The following LRP1B variants were observed in gnomAD, a reference collection of about 807,000 sequenced individuals.
LRP1B encodes the protein LDL receptor related protein 1B.
Under a neutral mutation model 556.6 loss-of-function variants are expected in LRP1B, and 217 were observed. The ratio of observed to expected loss-of-function variants is 0.39; its 90% CI spans 0.35 to 0.44. The LOEUF (loss-of-function observed/expected upper bound fraction) is 0.44. Among genes scored for constraint, LRP1B ranks in the 20% least tolerant of loss-of-function variants. LRP1B has a pLI of 1.00. For synonymous variants in LRP1B, 2,047 were observed against 1,865.8 expected, an observed-to-expected ratio of 1.10 and a Z score of -2.50; for missense variants, 5,053 against 5,620.8, an observed-to-expected ratio of 0.90 and a Z score of 3.23.
chr2:141,786,930 T>A (rs975519899), intron 2 of LRP1B, among the ~76,000 whole-genome samples: 6 of 151,998 alleles, frequency 3.9e-5, no homozygotes, highest in African/African-American at 1.2e-4. Context: ...TATTTTGATA[T>A]GGTGAATTAT....
intron 18 of LRP1B, among the ~76,000 whole-genome samples, chr2:140,955,820 A>C (rs1695855489): frequency 6.6e-6 from 1 of 151,704 alleles, no homozygotes. Flanking sequence ...GTAGATTTCA[A>C]ATCTAATTCA....
At chr2:141,059,920 T>C (rs1699291161) in intron 8 of LRP1B, among the ~76,000 whole-genome samples, 1 of 151,838 alleles carries the variant, frequency 6.6e-6, no homozygotes, top group Non-Finnish European at 1.5e-5. Context: ...TGTTCCAGGG[T>C]AAAGTGAAGT....
chr2:141,579,894 G>T (rs746529527), intron 2 of LRP1B, among the ~76,000 whole-genome samples: 16 of 151,840 alleles, frequency 1.1e-4, no homozygotes, highest in East Asian at 1.9e-4. Context: ...TAGAGACAGG[G>T]TTTCACCGCA....
At chr2:141,760,341 A>T (rs530540071) in intron 2 of LRP1B, among the ~76,000 whole-genome samples, 3 of 152,310 alleles carry the variant, frequency 2.0e-5, no homozygotes, top group African/African-American at 7.2e-5. Context: ...ACACATCTTC[A>T]TTAGGATTCA....
chr2:141,046,041 A>T (rs1698859130), intron 11 of LRP1B, among the ~76,000 whole-genome samples: 1 of 152,138 alleles, frequency 6.6e-6, no homozygotes, highest in African/African-American at 2.4e-5. Flanking sequence ...TATATGCAAC[A>T]TTTAGGGGGT....
intron 32 of LRP1B, among the ~76,000 whole-genome samples, chr2:140,795,468 G>A (rs1223132837): frequency 6.6e-6 from 1 of 152,082 alleles, no homozygotes; most frequent in Non-Finnish European, 1.5e-5. Flanking sequence ...AATGGCTATA[G>A]TTTAAATATG....
intron 2 of LRP1B, among the ~76,000 whole-genome samples, chr2:141,490,898 C>A (rs1056789606): frequency 6.6e-6 from 1 of 150,696 alleles, no homozygotes; most frequent in African/African-American, 2.4e-5. Context: ...TCTCCTTCGT[C>A]CCCCTCCCTC....
intron 7 of LRP1B, among the ~76,000 whole-genome samples, chr2:141,087,608 T>C (rs546261974): frequency 4.7e-4 from 72 of 152,236 alleles, no homozygotes; most frequent in Non-Finnish European, 8.7e-4. Context: ...TCAGACAGTA[T>C]TAAGAGATCA....
At chr2:141,096,629 G>GAGGGGGA (rs1558858138) in intron 7 of LRP1B, among the ~76,000 whole-genome samples, 8 of 59,740 alleles carry the variant, frequency 1.3e-4, no homozygotes, top group Admixed American at 8.6e-4. Flanking sequence ...GGGGAGAGGG[G>GAGGGGGA]GAGAGAGAGA....
Position 140,350,829 on chromosome 2 carries a change from T to C in LRP1B, c.11860A>G (p.Arg3954Gly), listed in dbSNP as rs1361942857. The C allele has an allele frequency of 1.2e-6, 2 of 1,610,848 alleles. No homozygotes were observed. Among genetic ancestry groups the C allele is most frequent in the Non-Finnish European group, 1.7e-6 (2 of 1,178,468 alleles). The change falls in exon 77 of 91, where the codon AGA becomes GGA. Residue 3954 changes from arginine to glycine, a missense_variant. Physicochemically the swap from Arg to Gly is moderately radical, Grantham distance 125. This residue lies in a region of LRP1B where 599 missense variants were observed against 648.4 expected (regional missense o/e 0.92). Transcript: ENST00000389484. The part of the protein sequence containing the change: ...GGIFYKRIHG[R>G]EKRQANSGLI... ...CCACTGTTTGCTTGCCTTTTTTCTC[T>C]GCCATGGATCCTTTTGTAGAAAATT...
chr2:140,721,648 T>C (rs1031057558), intron 35 of LRP1B, among the ~76,000 whole-genome samples: 1 of 142,556 alleles, frequency 7.0e-6, no homozygotes, highest in Non-Finnish European at 1.5e-5. Context: ...CCCAGGTTCA[T>C]GCCATTCTCC....
chr2:140,667,543 C>G (rs1360212244), intron 41 of LRP1B, among the ~76,000 whole-genome samples: 1 of 152,206 alleles, frequency 6.6e-6, no homozygotes, highest in Non-Finnish European at 1.5e-5. Context: ...TTTTTCTGCT[C>G]TACAGACCAC....
intron 18 of LRP1B, among the ~76,000 whole-genome samples, chr2:140,969,619 C>T (rs1478902139): frequency 3.3e-5 from 5 of 152,234 alleles, no homozygotes; most frequent in Admixed American, 6.5e-5. Flanking sequence ...TTCCTAGCAT[C>T]GATGGTCTTT....
chr2:140,673,443 C>T (rs950716591), intron 41 of LRP1B, among the ~76,000 whole-genome samples: 8 of 152,016 alleles, frequency 5.3e-5, no homozygotes, highest in African/African-American at 1.9e-4. Flanking sequence ...TTTCTAATGA[C>T]AGCTTATTTA....
At chr2:140,607,903 T>C (rs1381349866) in intron 41 of LRP1B, among the ~76,000 whole-genome samples, 1 of 152,020 alleles carries the variant, frequency 6.6e-6, no homozygotes, top group African/African-American at 2.4e-5. Flanking sequence ...CAATAGATTT[T>C]AATATGGATT....
At chr2:141,158,697 T>C (rs1702127586) in intron 7 of LRP1B, among the ~76,000 whole-genome samples, 1 of 152,210 alleles carries the variant, frequency 6.6e-6, no homozygotes, top group Admixed American at 6.5e-5. Flanking sequence ...CATTTCCCTT[T>C]AGGCCTCTTT....
At position 140,766,859 on chromosome 2, in the gene LRP1B, T is replaced by TATAATATATATATATA. The variant is rs1559106474; in HGVS notation, c.5758+2353_5758+2354insTATATATATATATTAT. 4.5e-3 allele frequency among the ~76,000 whole-genome samples: 225 copies of TATAATATATATATATA among 50,028 alleles called. 3 individuals carry two copies. The highest frequency in any genetic ancestry group is 7.9e-3 in the Admixed American group (32 of 4,036). 32.8% of individuals were successfully genotyped at this position (50,028 alleles called of 152,430 possible). ...TATATATATATTATATATATATATA[T>TATAATATATATATATA]ATATATAATATATATAACATATGAT... On this transcript the variant is annotated intron_variant, in intron 35 of 90. Coordinates refer to ENST00000389484, the MANE Select transcript of LRP1B (RefSeq NM_018557.3).
chr2:141,142,604 T>C (rs183807622), intron 7 of LRP1B, among the ~76,000 whole-genome samples: 6 of 152,306 alleles, frequency 3.9e-5, no homozygotes, highest in African/African-American at 1.4e-4. Flanking sequence ...TTTATATTAA[T>C]ATTCCAATGA....
intron 35 of LRP1B, among the ~76,000 whole-genome samples, chr2:140,733,403 A>G (rs1687841273): frequency 6.6e-6 from 1 of 152,176 alleles, no homozygotes; most frequent in Non-Finnish European, 1.5e-5. Context: ...GTCCGCAGAA[A>G]GCTGTGTATA....
Sources: allele counts gnomAD v4.1 joint callset (sites outside exome capture counted in the v4.1 genomes callset), GRCh38; gene constraint gnomAD v4.1.1; regional missense constraint gnomAD v4.1.1; transcripts MANE v1.5; gene names NCBI Gene and HGNC (gene_info 2026-07-23, HGNC 2026-07-21).